The following FBXL7 variants were observed in gnomAD, a reference collection of about 807,000 sequenced individuals.
The protein encoded by FBXL7 is F-box/LRR-repeat protein 7.
FBXL7 carries 12 observed loss-of-function variants against 38.3 expected under a neutral mutation model. The observed-to-expected ratio is 0.31, with a 90% CI of 0.20 to 0.51. The LOEUF (loss-of-function observed/expected upper bound fraction) is 0.51. Ranked by LOEUF, FBXL7 falls within the 20% of genes least tolerant of loss-of-function variation. The probability of loss-of-function intolerance (pLI) is 0.98; values close to 1 mark genes in which losing one functional copy is unlikely to be tolerated. For synonymous variants in FBXL7, 297 were observed against 300.9 expected, an observed-to-expected ratio of 0.99 and a Z score of 0.13; for missense variants, 567 against 676.4, an observed-to-expected ratio of 0.84 and a Z score of 1.79.
chr5:15,582,043 T>A (rs1052781188), intron 1 of FBXL7, among the ~76,000 whole-genome samples: 7 of 152,162 alleles, frequency 4.6e-5, no homozygotes, highest in African/African-American at 1.7e-4. Context: ...GTTCAGGCGA[T>A]CCTCCTGCCT....
chr5:15,658,283 T>G (rs754074049), intron 2 of FBXL7, among the ~76,000 whole-genome samples: 52 of 152,136 alleles, frequency 3.4e-4, no homozygotes, highest in Non-Finnish European at 7.1e-4. Flanking sequence ...CTTAAACTAG[T>G]AGGAATTAGT....
chr5:15,699,379 C>T (rs2126631223), intron 2 of FBXL7, among the ~76,000 whole-genome samples: 1 of 152,246 alleles, frequency 6.6e-6, no homozygotes, highest in South Asian at 2.1e-4. Context: ...TGGTTGTCAA[C>T]CCTTTGCATT....
intron 2 of FBXL7, among the ~76,000 whole-genome samples, chr5:15,620,896 C>T (rs1438847247): frequency 2.0e-5 from 3 of 152,172 alleles, no homozygotes; most frequent in Non-Finnish European, 4.4e-5. Flanking sequence ...ACCTCAGCTC[C>T]GATTTTGTGT....
intron 1 of FBXL7, among the ~76,000 whole-genome samples, chr5:15,587,223 A>C (rs1418851951): frequency 6.6e-6 from 1 of 152,066 alleles, no homozygotes; most frequent in South Asian, 2.1e-4. Context: ...CTCCCCACTT[A>C]CTGGAATGCA....
At chr5:15,903,290 G>A (rs950912218) in intron 2 of FBXL7, among the ~76,000 whole-genome samples, 1 of 152,164 alleles carries the variant, frequency 6.6e-6, no homozygotes, top group Non-Finnish European at 1.5e-5. Context: ...TCAGGGGTTG[G>A]GAGAAGGGGT....
At position 15,884,809 on chromosome 5, in the gene FBXL7, G is replaced by A. The variant is rs577474490; in HGVS notation, c.128-43081G>A. On this transcript the variant is annotated intron_variant, in intron 2 of 3. Transcript: ENST00000504595. ...CACATTCTTTTAGAAAGGGCAAAGC[G>A]GTGGGATAAGAAGTAAAACATTTCC... Among the ~76,000 whole-genome samples, 4 of 152,244 alleles carry A rather than the reference G, an allele frequency of 2.6e-5. No individual in the cohort carries two copies. In the East Asian group the frequency reaches 7.7e-4, roughly 29 times the overall value.
At chr5:15,542,123 A>G (rs1028360522) in intron 1 of FBXL7, among the ~76,000 whole-genome samples, 9 of 152,132 alleles carry the variant, frequency 5.9e-5, no homozygotes. Context: ...AAGAAATGGT[A>G]TATTTGAGTC....
intron 2 of FBXL7, among the ~76,000 whole-genome samples, chr5:15,796,096 A>G (rs547975074): frequency 5.9e-5 from 9 of 152,242 alleles, no homozygotes; most frequent in Non-Finnish European, 1.3e-4. Flanking sequence ...CTCAGAATCA[A>G]CTTTGAAAAT....
At chr5:15,551,771 T>C (rs1033228954) in intron 1 of FBXL7, among the ~76,000 whole-genome samples, 1 of 152,220 alleles carries the variant, frequency 6.6e-6, no homozygotes, top group East Asian at 1.9e-4. Context: ...TTTCTGAATA[T>C]GTGTGTGGAT....
chr5:15,644,582 C>A (rs937111981), intron 2 of FBXL7, among the ~76,000 whole-genome samples: 15 of 152,072 alleles, frequency 9.9e-5, no homozygotes, highest in Non-Finnish European at 1.9e-4. Flanking sequence ...CACTTTTGCC[C>A]ATTTGAAGAA....
rs574611741 is a variant in FBXL7, at chr5:15,828,664, C to A, written c.128-99226C>A. Among the ~76,000 whole-genome samples the A allele has an allele frequency of 5.9e-5, 9 of 152,228 alleles. No individual in the cohort carries two copies. The East Asian group carries it at 1.7e-3, about 29-fold the overall frequency. Reference sequence around the variant, plus strand: ...AATGAATCAGGAACTCTGGGAGACCCAAAGATTTAAAGTTCTGGGGATCCA... The same window carrying A: ...AATGAATCAGGAACTCTGGGAGACCAAAAGATTTAAAGTTCTGGGGATCCA... On this transcript the variant is annotated intron_variant, in intron 2 of 3. Coordinates refer to ENST00000504595, the MANE Select transcript of FBXL7 (RefSeq NM_012304.5).
intron 2 of FBXL7, among the ~76,000 whole-genome samples, chr5:15,825,432 T>A (rs952199637): frequency 6.6e-6 from 1 of 152,158 alleles, no homozygotes; most frequent in African/African-American, 2.4e-5. Context: ...TAAAACACCA[T>A]ATACATTGTT....
chr5:15,844,743 G>A (rs1738845271), intron 2 of FBXL7, among the ~76,000 whole-genome samples: 1 of 152,102 alleles, frequency 6.6e-6, no homozygotes. Flanking sequence ...TAGGAAACAT[G>A]ATAGAGCCTC....
intron 1 of FBXL7, among the ~76,000 whole-genome samples, chr5:15,555,771 G>A (rs1214212047): frequency 7.4e-6 from 1 of 135,160 alleles, no homozygotes; most frequent in Non-Finnish European, 1.6e-5. Context: ...TTGGTTAGTG[G>A]AGAAGGGTAG....
At chr5:15,702,017 C>T (rs1743538828) in intron 2 of FBXL7, among the ~76,000 whole-genome samples, 1 of 152,098 alleles carries the variant, frequency 6.6e-6, no homozygotes, top group Non-Finnish European at 1.5e-5. Flanking sequence ...GCGGGCAGAT[C>T]ACCTGAGGTC....
intron 2 of FBXL7, among the ~76,000 whole-genome samples, chr5:15,845,586 A>G (rs1738872356): frequency 6.6e-6 from 1 of 152,232 alleles, no homozygotes; most frequent in Non-Finnish European, 1.5e-5. Context: ...GCAAAATGCC[A>G]TGTTTCATAT....
chr5:15,682,552 T>G (rs1181120439), intron 2 of FBXL7, among the ~76,000 whole-genome samples: 1 of 152,218 alleles, frequency 6.6e-6, no homozygotes. Flanking sequence ...ATTTTAAATT[T>G]TCTTTATTTC....
intron 1 of FBXL7, among the ~76,000 whole-genome samples, chr5:15,555,798 G>C (rs985530506): frequency 1.3e-5 from 2 of 151,420 alleles, no homozygotes; most frequent in Non-Finnish European, 2.9e-5. Flanking sequence ...TAGATAGATA[G>C]ATAGATAGAT....
intron 1 of FBXL7, among the ~76,000 whole-genome samples, chr5:15,555,763 G>T (rs1461728762): frequency 6.8e-6 from 1 of 146,794 alleles, no homozygotes; most frequent in Non-Finnish European, 1.5e-5. Flanking sequence ...ATTGGGGATT[G>T]GTTAGTGGAG....
Sources: allele counts gnomAD v4.1 joint callset (sites outside exome capture counted in the v4.1 genomes callset), GRCh38; gene constraint gnomAD v4.1.1; transcripts MANE v1.5; gene names NCBI Gene and HGNC (gene_info 2026-07-23, HGNC 2026-07-21).